The following TLN2 variants were observed in gnomAD, a reference collection of about 807,000 sequenced individuals.
TLN2 encodes talin-2.
TLN2 carries 118 observed loss-of-function variants against 294.7 expected under a neutral mutation model. The ratio of observed to expected loss-of-function variants is 0.40; its 90% CI spans 0.34 to 0.47. The LOEUF is 0.47. TLN2 is among the 20% of genes least tolerant of loss of function. TLN2 has a pLI of 0.84. For synonymous variants in TLN2, 1,431 were observed against 1,304.5 expected (o/e 1.10, Z -2.09); for missense variants, 3,083 against 3,282.2 (o/e 0.94, Z 1.48).
intron 1 of TLN2, among the ~76,000 whole-genome samples, chr15:62,484,153 G>C (rs911709345): frequency 3.3e-5 from 5 of 152,172 alleles, no homozygotes; most frequent in African/African-American, 1.2e-4. Flanking sequence ...AAGGACAAAA[G>C]CTGGGTCAGG....
At position 62,432,906 on chromosome 15, in the gene TLN2, C is replaced by T. The variant is rs193143564; in HGVS notation, c.-238+42221C>T. On this transcript the variant is annotated intron_variant, in intron 1 of 58. Coordinates refer to ENST00000636159, the MANE Select transcript of TLN2 (RefSeq NM_015059.3). ...GAGAGAAGTGTCTGTGCCCTATTTT[C>T]CTACGAGCCAAGGAGAAGCCCTTGC... 7.4e-4 allele frequency among the ~76,000 whole-genome samples: 112 copies of T among 152,238 alleles called. 2 individuals are homozygous for T. The South Asian group carries it at 0.015, about 20-fold the overall frequency.
At chr15:62,756,009 CG>C (rs1399960732) in intron 37 of TLN2, among the ~76,000 whole-genome samples, 1 of 152,154 alleles carries the variant, frequency 6.6e-6, no homozygotes, top group African/African-American at 2.4e-5. Context: ...ACTGTGCTTG[CG>C]TAGCAAATAC....
rs371933084 is a variant in TLN2 at position 62,819,642 on chromosome 15, T to C, written c.6877+21T>C. On this transcript the variant is annotated intron_variant, in intron 53 of 58. Transcript: ENST00000636159. ...GAAAGGTAGGCTGGATTCTCACGTC[T>C]TGGTGGAGGGCAACCCTCCCAGGCA... is the stretch of plus-strand genomic sequence containing the variant. 10 of 1,601,256 alleles carry C rather than the reference T, an allele frequency of 6.2e-6. No individual in the cohort carries two copies. In the East Asian group the frequency reaches 1.8e-4, roughly 29 times the overall value.
intron 11 of TLN2, among the ~76,000 whole-genome samples, chr15:62,676,710 G>T (rs979692303): frequency 4.6e-5 from 7 of 152,152 alleles, no homozygotes; most frequent in African/African-American, 1.7e-4. Context: ...TGCCTCCTGG[G>T]TTCAAGCCAT....
intron 1 of TLN2, among the ~76,000 whole-genome samples, chr15:62,470,908 C>T (rs2037432757): frequency 6.6e-6 from 1 of 152,190 alleles, no homozygotes; most frequent in Non-Finnish European, 1.5e-5. Context: ...ACATTTTAAA[C>T]GTAGCAAAAT....
At chr15:62,780,068 C>T (rs892659656) in intron 43 of TLN2, among the ~76,000 whole-genome samples, 1 of 152,222 alleles carries the variant, frequency 6.6e-6, no homozygotes. Context: ...CCCCAGATCC[C>T]ACTGTTGTCG....
chr15:62,598,335 C>G (rs2046715157), intron 2 of TLN2, among the ~76,000 whole-genome samples: 1 of 152,166 alleles, frequency 6.6e-6, no homozygotes, highest in Non-Finnish European at 1.5e-5. Context: ...ACGTCTTGGA[C>G]ACGTTCTTCC....
chr15:62,540,895 C>T (rs2041645561), intron 1 of TLN2, among the ~76,000 whole-genome samples: 1 of 152,112 alleles, frequency 6.6e-6, no homozygotes, highest in Admixed American at 6.5e-5. Flanking sequence ...TTCATCGGGG[C>T]ACATTGGGAT....
intron 1 of TLN2, among the ~76,000 whole-genome samples, chr15:62,473,787 C>G (rs1434710021): frequency 1.3e-5 from 2 of 152,208 alleles, no homozygotes; most frequent in Non-Finnish European, 2.9e-5. Context: ...CCATTCACAA[C>G]TGCATTTACA....
intron 1 of TLN2, among the ~76,000 whole-genome samples, chr15:62,486,452 GTTTTTTTTTTTTTT>G (rs34975634): frequency 2.1e-5 from 2 of 93,292 alleles, no homozygotes; most frequent in South Asian, 3.2e-4. Flanking sequence ...CAGTTCCTTT[GTTTTTTTTTTTTTT>G]TTTTTTTTTG....
chr15:62,549,480 G>GCATCCATCCATGCATC (rs2042175162), intron 1 of TLN2, among the ~76,000 whole-genome samples: 1 of 147,756 alleles, frequency 6.8e-6, no homozygotes, highest in Non-Finnish European at 1.5e-5. Flanking sequence ...TGCATGCCAT[G>GCATCCATCCATGCATC]CATCCATCCA....
intron 1 of TLN2, among the ~76,000 whole-genome samples, chr15:62,542,400 C>T (rs2041746077): frequency 6.6e-6 from 1 of 152,112 alleles, no homozygotes; most frequent in Admixed American, 6.6e-5. Flanking sequence ...CCATGTTAGC[C>T]AGGATGGTCT....
chr15:62,597,883 G>A (rs565596103), intron 2 of TLN2, among the ~76,000 whole-genome samples: 1 of 152,138 alleles, frequency 6.6e-6, no homozygotes, highest in South Asian at 2.1e-4. Context: ...ACTGTATGTT[G>A]ACTGTGACAT....
chr15:62,495,880 A>G (rs544859900), intron 1 of TLN2, among the ~76,000 whole-genome samples: 1 of 151,552 alleles, frequency 6.6e-6, no homozygotes, highest in South Asian at 2.1e-4. Flanking sequence ...GGCTAATTGC[A>G]TGTTGCCTTT....
In TLN2 at chr15:62,752,171, A is replaced by G. The variant is rs930595427; in HGVS notation, c.4210-134A>G. ...TGTAATTTTCTTCCATCTCTTTTTA[A>G]TCCAAATAAAGGAGAAAATGTCAAA... On this transcript the variant is annotated intron_variant, in intron 34 of 58. Transcript: ENST00000636159. The G allele has an allele frequency of 4.1e-6, 5 of 1,212,836 alleles. No individual in the cohort carries two copies. In the African/African-American group the frequency reaches 7.6e-5, roughly 18 times the overall value. The allele number at this position is 1,212,836 out of a possible 1,614,324, so 75.1% of individuals were successfully genotyped here. A position where few individuals can be genotyped will look rare whatever the true frequency, so the allele number is the denominator to read the frequency against.
Position 62,725,736 on chromosome 15 carries a change from T to A in TLN2, c.3255+632T>A, listed in dbSNP as rs202232207. Among the ~76,000 whole-genome samples the A allele has an allele frequency of 1.9e-4, 29 of 152,348 alleles. No individual in the cohort carries two copies. In the East Asian group the frequency reaches 4.1e-3, roughly 21 times the overall value. Reference sequence around the variant, plus strand: ...ATGAGCAAGTTTTATTAACCCCGTTTACAGATGAGAAACACAGAGGCACAG... The same window carrying A: ...ATGAGCAAGTTTTATTAACCCCGTTAACAGATGAGAAACACAGAGGCACAG... On this transcript the variant is annotated intron_variant, in intron 27 of 58. Coordinates refer to ENST00000636159, the MANE Select transcript of TLN2 (RefSeq NM_015059.3).
chr15:62,709,879 C>A (rs899609173), intron 21 of TLN2, among the ~76,000 whole-genome samples: 1 of 151,982 alleles, frequency 6.6e-6, no homozygotes, highest in Non-Finnish European at 1.5e-5. Context: ...GGATTACAGG[C>A]GCCTGCCATG....
At chr15:62,572,352 C>T (rs1236191191) in intron 1 of TLN2, among the ~76,000 whole-genome samples, 1 of 152,042 alleles carries the variant, frequency 6.6e-6, no homozygotes, top group African/African-American at 2.4e-5. Context: ...GTGATCCTTC[C>T]ACCTCAGCCT....
At position 62,761,854 on chromosome 15, in the gene TLN2, G is replaced by A. The variant is rs749085949; in HGVS notation, c.4779+33G>A. 4 of 1,610,258 alleles carry A rather than the reference G, an allele frequency of 2.5e-6. No homozygotes were observed. The East Asian group carries it at 8.9e-5, about 36-fold the overall frequency. ...GTGTTTACAGGAACATCATACTAAG[G>A]TCTTTGGCTAACTTTGTGTGGCACC... On this transcript the variant is annotated intron_variant, in intron 38 of 58. Coordinates refer to ENST00000636159, the MANE Select transcript of TLN2 (RefSeq NM_015059.3).
Sources: allele counts gnomAD v4.1 joint callset (sites outside exome capture counted in the v4.1 genomes callset), GRCh38; gene constraint gnomAD v4.1.1; transcripts MANE v1.5; gene names NCBI Gene and HGNC (gene_info 2026-07-23, HGNC 2026-07-21).